Variants in PIK3C2A observed in about 807,000 individuals in gnomAD.
PIK3C2A encodes the protein phosphatidylinositol 4-phosphate 3-kinase C2 domain-containing subunit alpha.
In PIK3C2A, 97 loss-of-function variants were observed where a neutral mutation model predicts 204.5. The observed-to-expected ratio is 0.47, with a 90% confidence interval of 0.40 to 0.56. The LOEUF is 0.56. Among genes scored for constraint, PIK3C2A ranks in the 20% least tolerant of loss-of-function variants. The probability of loss-of-function intolerance (pLI) is 0.00; values close to 1 mark genes in which losing one functional copy is unlikely to be tolerated. For synonymous variants in PIK3C2A, 653 were observed against 664.4 expected, an observed-to-expected ratio of 0.98 and a Z score of 0.26; for missense variants, 1,735 against 1,969.2, an observed-to-expected ratio of 0.88 and a Z score of 2.25.
At position 17,145,731 on chromosome 11, in the gene PIK3C2A, T is replaced by C. The variant is rs759758318; in HGVS notation, c.1641A>G (p.Arg547=). ...IEKPCKEAMT[R]HPVEELLDSY... is the part of the protein sequence containing the mutation. ...AATCTAAGAGTTCTTCAACAGGGTG[T>C]CTGAAAGAAACAACAGTTATTGTGG... Residue 547 remains arginine, a splice_region_variant and synonymous_variant, in exon 8 of 33, where the codon AGA becomes AGG. Coordinates refer to ENST00000691414, the MANE Select transcript of PIK3C2A (RefSeq NM_002645.4). 6 of 1,605,064 alleles carry C rather than the reference T, an allele frequency of 3.7e-6. No homozygotes were observed. Among genetic ancestry groups the C allele is most frequent in the Non-Finnish European group, 5.1e-6 (6 of 1,172,140 alleles).
At chr11:17,163,841 C>T (rs963368794) in intron 2 of PIK3C2A, among the ~76,000 whole-genome samples, 1 of 151,102 alleles carries the variant, frequency 6.6e-6, no homozygotes, top group African/African-American at 2.4e-5. Context: ...TTTATAAGAG[C>T]ACCATGACTT....
intron 2 of PIK3C2A, among the ~76,000 whole-genome samples, chr11:17,166,716 A>AATGTCTGT (rs1850963680): frequency 6.6e-6 from 1 of 152,198 alleles, no homozygotes; most frequent in African/African-American, 2.4e-5. Flanking sequence ...TCAGAGCCCC[A>AATGTCTGT]ATGTCTGTCT....
chr11:17,137,655 C>T (rs557078415), intron 8 of PIK3C2A, among the ~76,000 whole-genome samples: 6 of 152,064 alleles, frequency 3.9e-5, no homozygotes, highest in Admixed American at 6.6e-5. Flanking sequence ...ATGATCCGCC[C>T]GCCTCAGCCT....
intron 2 of PIK3C2A, among the ~76,000 whole-genome samples, chr11:17,165,689 C>T (rs752940593): frequency 6.9e-6 from 1 of 144,674 alleles, no homozygotes; most frequent in Non-Finnish European, 1.5e-5. Flanking sequence ...GCAATAGAAT[C>T]GCTTGAACCC....
Position 17,148,777 on chromosome 11 carries a change from A to G in PIK3C2A, c.1338T>C (p.Thr446=), listed in dbSNP as rs1850333964. The stretch of plus-strand genomic sequence containing the variant: ...GGGCTTGCATTATAATGATTTCTAC[A>G]GTAGAACTCACTGTAAAAGAGTTAG... The part of the protein sequence containing the change: ...PVTFTCDVSS[T]VEIIIMQALC... The change falls in exon 5 of 33, where the codon ACT becomes ACC. Residue 446 remains threonine, a synonymous_variant. Transcript: ENST00000691414. The G allele has an allele frequency of 1.9e-6, 3 of 1,610,110 alleles. No individual in the cohort carries two copies. Among genetic ancestry groups the G allele is most frequent in the African/African-American group, 2.7e-5 (2 of 74,956 alleles).
intron 32 of PIK3C2A, among the ~76,000 whole-genome samples, chr11:17,090,311 T>C (rs1017344292): frequency 6.6e-6 from 1 of 151,780 alleles, no homozygotes; most frequent in African/African-American, 2.4e-5. Flanking sequence ...CTACTAAAAA[T>C]ACAAAATCAG....
chr11:17,119,086 C>A, intron 17 of PIK3C2A, 134 bp downstream of exon 17: 1 of 615,892 alleles, frequency 1.6e-6, no homozygotes, highest in Non-Finnish European at 2.9e-6. Context: ...CACACTAAAT[C>A]CAAATGCAAT....
In PIK3C2A at chr11:17,105,009, G is replaced by A. The variant is rs757142033; in HGVS notation, c.3681+160C>T. The stretch of plus-strand genomic sequence containing the variant: ...CACTCAGATTCCTGCCATTAAATGC[G>A]TCTTGTTTTACATTCTTTCCTATAC... On this transcript the variant is annotated intron_variant, in intron 23 of 32. Coordinates refer to ENST00000691414, the MANE Select transcript of PIK3C2A (RefSeq NM_002645.4). Among the ~76,000 whole-genome samples, 15 of 152,070 alleles carry A rather than the reference G, an allele frequency of 9.9e-5. No individual in the cohort carries two copies. In the South Asian group the frequency reaches 1.0e-3, roughly 10 times the overall value.
chr11:17,194,238 C>T (rs754370240), intron 1 of PIK3C2A: 77 of 348,742 alleles, frequency 2.2e-4, no homozygotes, highest in Non-Finnish European at 3.6e-4. Flanking sequence ...AAGGCCCAGG[C>T]TGCAACTCCA....
chr11:17,128,788 G>C (rs1475863738), intron 13 of PIK3C2A, among the ~76,000 whole-genome samples: 2 of 152,160 alleles, frequency 1.3e-5, no homozygotes, highest in Non-Finnish European at 2.9e-5. Flanking sequence ...ATAAGGGAAA[G>C]AATCCCTAAT....
chr11:17,137,946 A>G (rs1849929599), intron 8 of PIK3C2A: 1 of 455,212 alleles, frequency 2.2e-6, no homozygotes, highest in Non-Finnish European at 4.0e-6. Context: ...AAAGTCTTTT[A>G]ATTTTTATTA....
At chr11:17,177,911 G>A (rs1361040410) in intron 1 of PIK3C2A, among the ~76,000 whole-genome samples, 1 of 151,946 alleles carries the variant, frequency 6.6e-6, no homozygotes, top group Non-Finnish European at 1.5e-5. Flanking sequence ...TGGCCAGTAT[G>A]GTGAAACCTT....
chr11:17,101,837 T>C (rs1206019590), intron 24 of PIK3C2A, among the ~76,000 whole-genome samples: 2 of 151,828 alleles, frequency 1.3e-5, no homozygotes, highest in East Asian at 2.0e-4. Flanking sequence ...TCTCCTGACC[T>C]TGTGATCCGC....
At chr11:17,157,241 C>G (rs998193494) in intron 2 of PIK3C2A, among the ~76,000 whole-genome samples, 1 of 152,068 alleles carries the variant, frequency 6.6e-6, no homozygotes, top group African/African-American at 2.4e-5. Flanking sequence ...AGGCGGATCA[C>G]CTGAGGTCAG....
At chr11:17,091,679 C>T (rs761730991) in intron 30 of PIK3C2A, 23 bp from the exon 31 acceptor site, 3 of 1,410,236 alleles carry the variant, frequency 2.1e-6, no homozygotes, top group South Asian at 1.2e-5. Flanking sequence ...ATATTTTCAT[C>T]TTTATTTACT....
chr11:17,088,531 C>CT lies in PIK3C2A; in HGVS notation c.*1206_*1207insA, dbSNP rs1848211468. The CT allele has an allele frequency of 1.3e-5, 2 of 152,236 alleles. No individual in the cohort carries two copies. The highest frequency in any genetic ancestry group is 4.1e-4 in the South Asian group (2 of 4,828). The allele number at this position is 152,236 out of a possible 1,614,324, so 9.4% of individuals were successfully genotyped here. ...TGTTGGGATTACAGGCAGGAGCCACCGTGCCCGGCCGAATCTTATTCTTAC... is the reference window on the plus strand; with the variant it reads ...TGTTGGGATTACAGGCAGGAGCCACCTGTGCCCGGCCGAATCTTATTCTTAC... On this transcript the variant is annotated 3_prime_UTR_variant, in exon 33 of 33. Coordinates refer to ENST00000691414, the MANE Select transcript of PIK3C2A (RefSeq NM_002645.4).
At chr11:17,159,449 T>C (rs898579803) in intron 2 of PIK3C2A, among the ~76,000 whole-genome samples, 4 of 152,254 alleles carry the variant, frequency 2.6e-5, no homozygotes, top group African/African-American at 9.6e-5. Context: ...TGAAAATCCA[T>C]GTAGATGTTT....
chr11:17,112,861 C>G (rs1487296370), intron 20 of PIK3C2A, among the ~76,000 whole-genome samples, 195 bp from the exon 21 acceptor site: 1 of 151,148 alleles, frequency 6.6e-6, no homozygotes, highest in Non-Finnish European at 1.5e-5. Flanking sequence ...CCATAGCTTC[C>G]CACAACCTCT....
At chr11:17,195,937 G>A (rs1451852466) in intron 1 of PIK3C2A, among the ~76,000 whole-genome samples, 2 of 149,610 alleles carry the variant, frequency 1.3e-5, no homozygotes, top group African/African-American at 4.9e-5. Flanking sequence ...TACTTGGGAG[G>A]CTGAGGCAGG....
Sources: allele counts gnomAD v4.1 joint callset (sites outside exome capture counted in the v4.1 genomes callset), GRCh38; gene constraint gnomAD v4.1.1; transcripts MANE v1.5; gene names NCBI Gene and HGNC (gene_info 2026-07-23, HGNC 2026-07-21).